Variants in SIRT5 observed in about 807,000 individuals in gnomAD.
The protein encoded by SIRT5 is NAD-dependent protein deacylase sirtuin-5, mitochondrial.
In SIRT5, 26 loss-of-function variants were observed where a neutral mutation model predicts 40.0. That is an observed-to-expected ratio of 0.65 (90% CI 0.48 to 0.90). The LOEUF (loss-of-function observed/expected upper bound fraction) is 0.90. Ranked by LOEUF, SIRT5 falls within the 40% of genes least tolerant of loss-of-function variation. The pLI is 0.00. For synonymous variants in SIRT5, 146 were observed against 149.1 expected (o/e 0.98, Z 0.15); for missense variants, 401 against 402.4 (o/e 1.00, Z 0.03).
chr6:13,598,917 G>A, intron 7 of SIRT5, 115 bp from the exon 8 acceptor site: 1 of 1,191,480 alleles, frequency 8.4e-7, no homozygotes, highest in South Asian at 1.5e-5. Flanking sequence ...TAGGGAATAA[G>A]AGGCATCAGA....
At chr6:13,605,051 T>G (rs1762919591) in intron 9 of SIRT5, 1 of 986,180 alleles carries the variant, frequency 1.0e-6, no homozygotes, top group Non-Finnish European at 1.2e-6. Flanking sequence ...CCTACTCAAT[T>G]TTTCAAAGGC....
intron 8 of SIRT5, among the ~76,000 whole-genome samples, chr6:13,599,953 A>G (rs1762142342): frequency 6.6e-6 from 1 of 152,260 alleles, no homozygotes; most frequent in African/African-American, 2.4e-5. Context: ...CAATATGTCT[A>G]AATCAATATC....
Position 13,600,622 on chromosome 6 carries a change from A to T in SIRT5, c.742-212A>T, listed in dbSNP as rs184939401. Reference sequence around the variant, plus strand: ...CACTCTTTGCATAACTCTCCTTTTCATGTCACATATTCTTCTCGATTCTAG... The same window carrying T: ...CACTCTTTGCATAACTCTCCTTTTCTTGTCACATATTCTTCTCGATTCTAG... On this transcript the variant is annotated intron_variant, in intron 8 of 9. Coordinates refer to ENST00000606117, the MANE Select transcript of SIRT5 (RefSeq NM_012241.5). Among the ~76,000 whole-genome samples, 89 of 152,314 alleles carry T rather than the reference A, an allele frequency of 5.8e-4. 1 individual carries two copies. In the East Asian group the frequency reaches 0.01, roughly 18 times the overall value.
At position 13,612,018 on chromosome 6, in the gene SIRT5, G is replaced by C; in HGVS notation, c.*153G>C. Reference sequence around the variant, plus strand: ...ATCCAACCTGTTGATAAGTGATGGGGGTTTAGAAGTAGCAAAGAGCACCCA... The same window carrying C: ...ATCCAACCTGTTGATAAGTGATGGGCGTTTAGAAGTAGCAAAGAGCACCCA... On this transcript the variant is annotated 3_prime_UTR_variant, in exon 10 of 10. Transcript: ENST00000606117. The C allele has an allele frequency of 3.4e-6, 2 of 587,220 alleles. No homozygotes were observed. The highest frequency in any genetic ancestry group is 5.8e-6 in the Non-Finnish European group (2 of 344,726). The allele number at this position is 587,220 out of a possible 1,614,324, so 36.4% of individuals were successfully genotyped here. A position where few individuals can be genotyped will look rare whatever the true frequency, so the allele number is the denominator to read the frequency against.
chr6:13,603,276 C>CAAAAAA (rs36093293), intron 9 of SIRT5, among the ~76,000 whole-genome samples: 4 of 49,290 alleles, frequency 8.1e-5, no homozygotes, highest in East Asian at 6.4e-4. Flanking sequence ...GACTCCGTCT[C>CAAAAAA]AAAAAAAAAA....
At chr6:13,605,039 A>C in intron 9 of SIRT5, 3 of 986,648 alleles carry the variant, frequency 3.0e-6, no homozygotes, top group Non-Finnish European at 3.6e-6. Flanking sequence ...TAGTCATCTC[A>C]TCCTACTCAA....
At chr6:13,597,540 G>GTTTAT (rs141284695) in intron 7 of SIRT5, among the ~76,000 whole-genome samples, 1 of 150,448 alleles carries the variant, frequency 6.6e-6, no homozygotes, top group Non-Finnish European at 1.5e-5. Context: ...TTTTTGTTGT[G>GTTTAT]TTTATTTTAT....
intron 4 of SIRT5, among the ~76,000 whole-genome samples, chr6:13,588,709 T>A (rs2127642611): frequency 6.6e-6 from 1 of 152,358 alleles, no homozygotes; most frequent in African/African-American, 2.4e-5. Flanking sequence ...CAGTTTCTCC[T>A]AATAATTGTG....
At chr6:13,583,222 CTG>C (rs1461521658) in intron 2 of SIRT5, among the ~76,000 whole-genome samples, 2 of 150,132 alleles carry the variant, frequency 1.3e-5, no homozygotes, top group African/African-American at 2.5e-5. Flanking sequence ...AAGAAAGAAA[CTG>C]TACTTTGACC....
At chr6:13,576,440 C>G (rs1262303524) in intron 1 of SIRT5, among the ~76,000 whole-genome samples, 1 of 152,176 alleles carries the variant, frequency 6.6e-6, no homozygotes, top group East Asian at 1.9e-4. Context: ...GTTGACCATT[C>G]ATATGTCTTC....
Position 13,614,566 on chromosome 6 carries a change from T to TA in SIRT5, c.*2701_*2702insA, listed in dbSNP as rs1408522678. ...AATATACTTGGAAAAAAAGTACGTA[T>TA]GTGTATATACCACAAAACTCGGGTG... On this transcript the variant is annotated 3_prime_UTR_variant, in exon 10 of 10. Coordinates refer to ENST00000606117, the MANE Select transcript of SIRT5 (RefSeq NM_012241.5). 1 of 152,248 alleles carries TA rather than the reference T, an allele frequency of 6.6e-6. No homozygotes were observed. Among genetic ancestry groups the TA allele is most frequent in the Non-Finnish European group, 1.5e-5 (1 of 68,060 alleles). The allele number at this position is 152,248 out of a possible 1,614,324, so 9.4% of individuals were successfully genotyped here.
chr6:13,588,303 G>A (rs1350533766), intron 3 of SIRT5, 28 bp from the exon 4 acceptor site: 1 of 1,608,612 alleles, frequency 6.2e-7, no homozygotes, highest in African/African-American at 1.3e-5. Flanking sequence ...ACTGTACACT[G>A]GATTGATAAA....
intron 5 of SIRT5, among the ~76,000 whole-genome samples, chr6:13,594,870 C>T (rs759089364): frequency 3.9e-5 from 6 of 152,196 alleles, no homozygotes; most frequent in Non-Finnish European, 7.3e-5. Context: ...TTACTTTTTT[C>T]ACTTATTAGT....
intron 7 of SIRT5, among the ~76,000 whole-genome samples, chr6:13,598,633 C>T (rs1761931127): frequency 6.6e-6 from 1 of 152,014 alleles, no homozygotes; most frequent in African/African-American, 2.4e-5. Flanking sequence ...AGTTTGAGAC[C>T]AGCCCGGCGA....
At chr6:13,604,697 G>C (rs1462292811) in intron 9 of SIRT5, 8 of 1,379,530 alleles carry the variant, frequency 5.8e-6, no homozygotes, top group Non-Finnish European at 7.4e-6. Flanking sequence ...GAAAGAAACT[G>C]AACTTGGTGG....
chr6:13,587,523 C>T (rs1377358625), intron 3 of SIRT5, among the ~76,000 whole-genome samples: 3 of 152,148 alleles, frequency 2.0e-5, no homozygotes, highest in African/African-American at 7.2e-5. Context: ...ACCTTGTGAT[C>T]CACGTAAAGT....
intron 2 of SIRT5, among the ~76,000 whole-genome samples, chr6:13,582,679 C>T (rs897283207): frequency 3.3e-5 from 5 of 151,124 alleles, no homozygotes; most frequent in Non-Finnish European, 4.4e-5. Flanking sequence ...TGGCAACCAC[C>T]GTTATATTTT....
In SIRT5 at chr6:13,607,541, A is replaced by T. The variant is rs1462793544; in HGVS notation, c.858-4249A>T. Among the ~76,000 whole-genome samples the T allele has an allele frequency of 1.3e-5, 2 of 152,168 alleles. No individual in the cohort carries two copies. The highest frequency in any genetic ancestry group is 4.8e-5 in the African/African-American group (2 of 41,456). On this transcript the variant is annotated intron_variant, in intron 9 of 9. Coordinates refer to ENST00000606117, the MANE Select transcript of SIRT5 (RefSeq NM_012241.5). This position sits in a 1 kb window ranked among gnomAD's most constrained non-coding sequence, Gnocchi z 4.0. Reference sequence around the variant, plus strand: ...TGCAGCAGGATGATTACATTAACCAATGCAAGTGGCGTGAGCAGATGTGCA... The same window carrying T: ...TGCAGCAGGATGATTACATTAACCATTGCAAGTGGCGTGAGCAGATGTGCA...
At chr6:13,603,907 C>A (rs1040098137) in intron 9 of SIRT5, among the ~76,000 whole-genome samples, 11 of 152,174 alleles carry the variant, frequency 7.2e-5, no homozygotes, top group Non-Finnish European at 1.6e-4. Flanking sequence ...ATGGATGACC[C>A]TTGAAAACGT....
Sources: gnomAD v4.1 joint callset for allele counts (sites outside exome capture counted in the v4.1 genomes callset) on GRCh38, gnomAD v4.1.1 for gene constraint, Gnocchi (gnomAD v3.1) non-coding constraint, MANE v1.5 for transcripts, NCBI Gene and HGNC (gene_info 2026-07-23, HGNC 2026-07-21) for gene names.